KANK1: variants seen among roughly 807,000 people sequenced by gnomAD.
KANK1 encodes the protein KN motif and ankyrin repeat domain-containing protein 1.
In KANK1, 109 loss-of-function variants were observed where a neutral mutation model predicts 106.2. The ratio of observed to expected loss-of-function variants is 1.03; its 90% confidence interval spans 0.88 to 1.20. KANK1 has a LOEUF of 1.20. Among genes scored for constraint, KANK1 ranks in the 50% most tolerant of loss-of-function variants. The pLI is 0.00. For missense variants in KANK1, 2,399 were observed against 1,710.7 expected, an observed-to-expected ratio of 1.40 and a Z score of -7.10; for synonymous variants, 873 against 652.2, an observed-to-expected ratio of 1.34 and a Z score of -5.16.
intron 1 of KANK1, among the ~76,000 whole-genome samples, chr9:645,364 T>C (rs1489775301): frequency 2.8e-5 from 4 of 141,940 alleles, no homozygotes; most frequent in African/African-American, 1.1e-4. Flanking sequence ...TGCTTGAACC[T>C]GGGAGGTGGA....
At chr9:499,408 A>G (rs192536979) in intron 3 of KANK1, among the ~76,000 whole-genome samples, 2 of 152,186 alleles carry the variant, frequency 1.3e-5, no homozygotes, top group African/African-American at 4.8e-5. Context: ...CAGCAATAAA[A>G]AGGAAAGATG....
chr9:538,033 C>A (rs1032236148), intron 1 of KANK1, among the ~76,000 whole-genome samples: 9 of 152,124 alleles, frequency 5.9e-5, no homozygotes, highest in African/African-American at 2.2e-4. Context: ...TTAAGCTATT[C>A]ATCCTTTTTT....
chr9:614,291 G>A (rs989615892), intron 1 of KANK1, among the ~76,000 whole-genome samples: 2 of 152,152 alleles, frequency 1.3e-5, no homozygotes, highest in Non-Finnish European at 2.9e-5. Flanking sequence ...TAGCATGAAA[G>A]CAATATGATC....
At chr9:667,209 G>C (rs1844836688) in intron 1 of KANK1, among the ~76,000 whole-genome samples, 1 of 151,892 alleles carries the variant, frequency 6.6e-6, no homozygotes, top group Non-Finnish European at 1.5e-5. Context: ...TTGTCTTCTA[G>C]ATTTTTCAAT....
At chr9:527,770 C>T (rs979548786) in intron 1 of KANK1, among the ~76,000 whole-genome samples, 2 of 150,486 alleles carry the variant, frequency 1.3e-5, no homozygotes, top group Non-Finnish European at 2.9e-5. Flanking sequence ...AGTCCTTTTC[C>T]CTCAGAACTT....
chr9:646,950 A>G (rs1210970818), intron 1 of KANK1, among the ~76,000 whole-genome samples: 1 of 150,790 alleles, frequency 6.6e-6, no homozygotes, highest in African/African-American at 2.5e-5. Flanking sequence ...CACCCGCCTC[A>G]GCCTCCCAAA....
intron 1 of KANK1, among the ~76,000 whole-genome samples, chr9:509,795 G>T (rs922620033): frequency 1.3e-5 from 2 of 152,060 alleles, no homozygotes; most frequent in Non-Finnish European, 2.9e-5. Context: ...ATTGATTAAA[G>T]AAATCTTTTT....
Position 713,060 on chromosome 9 carries a change from A to G in KANK1, c.2294A>G (p.Asn765Ser). The change falls in exon 3 of 12, where the codon AAT becomes AGT. Residue 765 changes from asparagine (N) to serine (S), a missense_variant. Coordinates refer to ENST00000382297, the MANE Select transcript of KANK1 (RefSeq NM_015158.5). The stretch of plus-strand genomic sequence containing the variant: ...AAAGAGTCAGGTGTGGGGCAGATAA[A>G]TATTAACGACAACTATCTGGTTGGT... ...KTKESGVGQI[N>S]INDNYLVGLK... is the part of the protein sequence containing the mutation. The G allele has an allele frequency of 6.2e-7, 1 of 1,614,160 alleles. No homozygotes were observed. Among genetic ancestry groups the G allele is most frequent in the Non-Finnish European group, 8.5e-7 (1 of 1,180,020 alleles).
chr9:719,015 A>C (rs1198869992), intron 3 of KANK1, among the ~76,000 whole-genome samples: 3 of 128,450 alleles, frequency 2.3e-5, no homozygotes, highest in Non-Finnish European at 3.1e-5. Flanking sequence ...GCTGGAGTGC[A>C]GTGGTGCAAT....
intron 1 of KANK1, among the ~76,000 whole-genome samples, chr9:569,502 A>G (rs1054358335): frequency 2.6e-5 from 4 of 152,172 alleles, no homozygotes; most frequent in African/African-American, 9.7e-5. Context: ...TGCTGCCTCC[A>G]GACTCTGTCA....
chr9:555,472 G>C (rs2061527674), intron 1 of KANK1, among the ~76,000 whole-genome samples: 1 of 152,184 alleles, frequency 6.6e-6, no homozygotes, highest in Non-Finnish European at 1.5e-5. Flanking sequence ...TAAATCAAAT[G>C]AGTGAACATA....
intron 1 of KANK1, among the ~76,000 whole-genome samples, chr9:569,039 C>G (rs1415653782): frequency 6.6e-6 from 1 of 152,108 alleles, no homozygotes; most frequent in Non-Finnish European, 1.5e-5. Flanking sequence ...AGAGGTTCAG[C>G]TGGGGACCAG....
At chr9:741,321 T>C (rs943279176) in intron 9 of KANK1, among the ~76,000 whole-genome samples, 2 of 139,436 alleles carry the variant, frequency 1.4e-5, no homozygotes, top group Non-Finnish European at 3.3e-5. Flanking sequence ...TGTTCACAGC[T>C]TGACTTTTTT....
chr9:601,551 T>G (rs1418211860), intron 1 of KANK1, among the ~76,000 whole-genome samples: 2 of 151,868 alleles, frequency 1.3e-5, no homozygotes, highest in Non-Finnish European at 2.9e-5. Flanking sequence ...AGCAATGATG[T>G]ATCTTTTTTA....
intron 1 of KANK1, among the ~76,000 whole-genome samples, chr9:620,425 G>A (rs1445387930): frequency 3.3e-5 from 5 of 151,876 alleles, no homozygotes; most frequent in Non-Finnish European, 7.4e-5. Flanking sequence ...TTGGAACGGA[G>A]TCTCGCACTG....
chr9:515,344 CAA>C (rs1305073521), intron 1 of KANK1, among the ~76,000 whole-genome samples: 5 of 85,652 alleles, frequency 5.8e-5, no homozygotes, highest in Admixed American at 1.3e-4. Flanking sequence ...GACTCCTTCT[CAA>C]AAAAAAAAAA....
chr9:610,329 C>T (rs1316700088), intron 1 of KANK1, among the ~76,000 whole-genome samples: 1 of 152,130 alleles, frequency 6.6e-6, no homozygotes, highest in African/African-American at 2.4e-5. Context: ...CAGTCCTGCT[C>T]TCCAAAGTGA....
intron 1 of KANK1, among the ~76,000 whole-genome samples, chr9:519,807 G>C (rs535603085): frequency 6.6e-6 from 1 of 151,640 alleles, no homozygotes; most frequent in Non-Finnish European, 1.5e-5. Flanking sequence ...GTCTTCTAAA[G>C]GTCAGACAAA....
At chr9:734,562 A>C (rs933035048) in intron 6 of KANK1, 186 bp from the exon 7 acceptor site, 1 of 474,748 alleles carries the variant, frequency 2.1e-6, no homozygotes, top group Non-Finnish European at 3.9e-6. Flanking sequence ...GCTACTAGGG[A>C]GGCTGAGGCA....
Sources: allele counts gnomAD v4.1 joint callset (sites outside exome capture counted in the v4.1 genomes callset), GRCh38; gene constraint gnomAD v4.1.1; transcripts MANE v1.5; gene names NCBI Gene and HGNC (gene_info 2026-07-23, HGNC 2026-07-21).